GALNTL6: variants seen among roughly 807,000 people sequenced by gnomAD.
The protein encoded by GALNTL6 is polypeptide N-acetylgalactosaminyltransferase-like 6.
GALNTL6 carries 46 observed loss-of-function variants against 73.7 expected under a neutral mutation model. That is an observed-to-expected ratio of 0.62 (90% CI 0.49 to 0.80). The LOEUF is 0.80. Among genes scored for constraint, GALNTL6 ranks in the 30% least tolerant of loss-of-function variants. The pLI, the probability that GALNTL6 is intolerant of heterozygous loss-of-function variation, is 0.00. For synonymous variants in GALNTL6, 259 were observed against 263.7 expected, an observed-to-expected ratio of 0.98 and a Z score of 0.17; for missense variants, 604 against 755.0, an observed-to-expected ratio of 0.80 and a Z score of 2.34.
At chr4:172,417,719 G>GT (rs1305125021) in intron 5 of GALNTL6, among the ~76,000 whole-genome samples, 1 of 152,104 alleles carries the variant, frequency 6.6e-6, no homozygotes, top group East Asian at 1.9e-4. Flanking sequence ...TCACTAGATA[G>GT]TTGTTCTTGA....
rs542431863 is a variant in GALNTL6 at position 172,212,236 on chromosome 4, A to C, written c.139-17420A>C. Among the ~76,000 whole-genome samples, 4 of 151,958 alleles carry C rather than the reference A, an allele frequency of 2.6e-5. No homozygotes were observed. The East Asian group carries it at 7.8e-4, about 29-fold the overall frequency. ...GAGTGCAGTGGTGTGATCTGGGCTC[A>C]CTGCAAACTCTGCCTCTCAGGTTCA... On this transcript the variant is annotated intron_variant, in intron 2 of 12. Coordinates refer to ENST00000506823, the MANE Select transcript of GALNTL6 (RefSeq NM_001034845.3).
intron 5 of GALNTL6, among the ~76,000 whole-genome samples, chr4:172,534,757 A>C (rs908868491): frequency 1.3e-5 from 2 of 152,124 alleles, no homozygotes; most frequent in Admixed American, 6.5e-5. Flanking sequence ...TAGTAGAAAC[A>C]GGGTTTCACC....
chr4:172,671,314 C>T (rs1731970247), intron 5 of GALNTL6, among the ~76,000 whole-genome samples: 1 of 152,070 alleles, frequency 6.6e-6, no homozygotes, highest in Non-Finnish European at 1.5e-5. Context: ...TTTGTGTTAT[C>T]TCCGATTTCT....
At chr4:172,220,334 C>A (rs759911440) in intron 2 of GALNTL6, among the ~76,000 whole-genome samples, 11 of 151,742 alleles carry the variant, frequency 7.2e-5, no homozygotes, top group Non-Finnish European at 1.3e-4. Context: ...TAATGTCCCT[C>A]AGAACTGCTA....
chr4:172,838,625 T>C (rs1366723933), intron 7 of GALNTL6, among the ~76,000 whole-genome samples: 1 of 152,154 alleles, frequency 6.6e-6, no homozygotes, highest in Non-Finnish European at 1.5e-5. Context: ...TTTAAAGGCA[T>C]AATTTTCTGG....
At chr4:173,001,141 C>T (rs1752025387) in intron 10 of GALNTL6, among the ~76,000 whole-genome samples, 5 of 152,090 alleles carry the variant, frequency 3.3e-5, no homozygotes, top group Admixed American at 2.6e-4. Context: ...CACAAACCAC[C>T]AGAAACTAGG....
intron 2 of GALNTL6, among the ~76,000 whole-genome samples, chr4:172,170,403 G>A (rs1052777748): frequency 1.3e-5 from 2 of 151,638 alleles, no homozygotes; most frequent in African/African-American, 2.4e-5. Context: ...TTCACCTTTC[G>A]CCATGATTGT....
intron 5 of GALNTL6, among the ~76,000 whole-genome samples, chr4:172,457,962 T>G (rs1732460046): frequency 6.6e-6 from 1 of 152,068 alleles, no homozygotes; most frequent in African/African-American, 2.4e-5. Context: ...TAATTGGAAG[T>G]AAAACACTCC....
chr4:172,977,950 C>T (rs1750896472), intron 10 of GALNTL6, among the ~76,000 whole-genome samples: 1 of 152,138 alleles, frequency 6.6e-6, no homozygotes, highest in South Asian at 2.1e-4. Flanking sequence ...AGTGATTCTC[C>T]TGTCTCAGCC....
At chr4:172,540,895 G>GTTT (rs1173507299) in intron 5 of GALNTL6, among the ~76,000 whole-genome samples, 1 of 152,140 alleles carries the variant, frequency 6.6e-6, no homozygotes, top group Non-Finnish European at 1.5e-5. Flanking sequence ...GAAAATGTCT[G>GTTT]TTTTTAGAGT....
intron 12 of GALNTL6, among the ~76,000 whole-genome samples, chr4:173,022,080 AAGGAAGGAAAGAAG>A (rs1334623256): frequency 4.2e-4 from 60 of 142,662 alleles, no homozygotes; most frequent in Non-Finnish European, 5.7e-4. Context: ...GGAAGGAAGG[AAGGAAGGAAAGAAG>A]GAAGGAAGGA....
intron 2 of GALNTL6, among the ~76,000 whole-genome samples, chr4:171,871,785 G>A (rs1347005882): frequency 6.6e-6 from 1 of 152,082 alleles, no homozygotes; most frequent in Non-Finnish European, 1.5e-5. Flanking sequence ...GTCATCTGTT[G>A]TAACAATTAC....
chr4:172,045,164 G>T (rs978375668), intron 2 of GALNTL6, among the ~76,000 whole-genome samples: 4 of 151,936 alleles, frequency 2.6e-5, no homozygotes, highest in African/African-American at 4.8e-5. Flanking sequence ...GAATATGCTT[G>T]AAACAATGTT....
chr4:172,859,458 G>C (rs1259769206), intron 7 of GALNTL6, among the ~76,000 whole-genome samples: 1 of 152,146 alleles, frequency 6.6e-6, no homozygotes, highest in African/African-American at 2.4e-5. Context: ...ATCTTTGTTA[G>C]AAGGTAAGAA....
chr4:172,669,288 C>A (rs971278583), intron 5 of GALNTL6: 1 of 152,152 alleles, frequency 6.6e-6, no homozygotes, highest in African/African-American at 2.4e-5. Context: ...GGCTAACCTG[C>A]ATATTAATAC....
intron 2 of GALNTL6, among the ~76,000 whole-genome samples, chr4:172,077,449 T>C (rs895959871): frequency 2.0e-5 from 3 of 152,148 alleles, no homozygotes; most frequent in Admixed American, 1.3e-4. Context: ...TCACTCTTCC[T>C]ATGCTAGCAA....
intron 2 of GALNTL6, among the ~76,000 whole-genome samples, chr4:171,971,609 C>G (rs368706): frequency 0.91 from 139,088 of 152,214 alleles, 64,635 homozygotes; most frequent in Non-Finnish European, 1. Context: ...GCATGCAGTC[C>G]TCTCCAAAAC....
At chr4:172,443,269 G>A (rs764521934) in intron 5 of GALNTL6, among the ~76,000 whole-genome samples, 8 of 149,074 alleles carry the variant, frequency 5.4e-5, no homozygotes, top group Non-Finnish European at 1.0e-4. Context: ...GGTTTCAAGC[G>A]ATTCTTCTGC....
intron 8 of GALNTL6, among the ~76,000 whole-genome samples, chr4:172,929,937 T>C (rs2653828): frequency 0.11 from 16,425 of 152,218 alleles, 2,327 homozygotes; most frequent in African/African-American, 0.32. Context: ...CTGAGAAGGT[T>C]GTCATGGTAA....
Sources: allele counts gnomAD v4.1 joint callset (sites outside exome capture counted in the v4.1 genomes callset), GRCh38; gene constraint gnomAD v4.1.1; transcripts MANE v1.5; gene names NCBI Gene and HGNC (gene_info 2026-07-23, HGNC 2026-07-21).